KCNIP1: variants seen among roughly 807,000 people sequenced by gnomAD.
KCNIP1 encodes A-type potassium channel modulatory protein KCNIP1.
In KCNIP1, 18 loss-of-function variants were observed where a neutral mutation model predicts 33.0. The observed-to-expected ratio is 0.55, with a 90% CI of 0.38 to 0.81. The LOEUF is 0.81. KCNIP1 is among the 30% of genes least tolerant of loss of function. The pLI is 0.00. For missense variants in KCNIP1, 238 were observed against 271.6 expected, an observed-to-expected ratio of 0.88 and a Z score of 0.87; for synonymous variants, 93 against 98.3, an observed-to-expected ratio of 0.95 and a Z score of 0.32.
chr5:170,625,125 GC>G (rs1759771663), intron 1 of KCNIP1, among the ~76,000 whole-genome samples: 1 of 152,038 alleles, frequency 6.6e-6, no homozygotes, highest in Non-Finnish European at 1.5e-5. Context: ...CCCAGCAGCA[GC>G]CCTCTGGGTA....
intron 1 of KCNIP1, among the ~76,000 whole-genome samples, chr5:170,435,507 T>C (rs1014531373): frequency 6.6e-6 from 1 of 152,170 alleles, no homozygotes; most frequent in African/African-American, 2.4e-5. Flanking sequence ...GGATGGTTTT[T>C]GGGGCTTTTT....
intron 1 of KCNIP1, among the ~76,000 whole-genome samples, chr5:170,715,148 T>C: frequency 6.6e-6 from 1 of 152,208 alleles, no homozygotes; most frequent in Non-Finnish European, 1.5e-5. Flanking sequence ...ATACTTACCA[T>C]TGTGTTACAA....
chr5:170,364,297 G>GC (rs1763596652), intron 1 of KCNIP1, among the ~76,000 whole-genome samples: 1 of 152,100 alleles, frequency 6.6e-6, no homozygotes, highest in Admixed American at 6.6e-5. Context: ...GCCATACCTG[G>GC]CCCTCACTTA....
At chr5:170,702,706 C>T (rs1763137818) in intron 1 of KCNIP1, among the ~76,000 whole-genome samples, 1 of 152,154 alleles carries the variant, frequency 6.6e-6, no homozygotes, top group Non-Finnish European at 1.5e-5. Flanking sequence ...GGTTCCAAAG[C>T]ATCTGCCCAT....
At chr5:170,405,142 T>C (rs888587249) in intron 1 of KCNIP1, among the ~76,000 whole-genome samples, 6 of 152,134 alleles carry the variant, frequency 3.9e-5, no homozygotes, top group African/African-American at 1.4e-4. Flanking sequence ...ATATGCCAAA[T>C]TGCCCTGCAA....
chr5:170,662,654 A>G (rs1458438603), intron 1 of KCNIP1, among the ~76,000 whole-genome samples: 1 of 152,194 alleles, frequency 6.6e-6, no homozygotes, highest in Non-Finnish European at 1.5e-5. Context: ...CTCAAAGCCT[A>G]CTTAAGAGCT....
intron 1 of KCNIP1, among the ~76,000 whole-genome samples, chr5:170,393,869 CCT>C (rs902774297): frequency 3.8e-4 from 58 of 152,240 alleles, no homozygotes; most frequent in African/African-American, 1.3e-3. Flanking sequence ...CCTTGAAAAT[CCT>C]CTTTGAGACA....
intron 1 of KCNIP1, among the ~76,000 whole-genome samples, chr5:170,546,566 C>T (rs1479190174): frequency 6.6e-6 from 1 of 152,216 alleles, no homozygotes; most frequent in Non-Finnish European, 1.5e-5. Flanking sequence ...CCAGAATCAG[C>T]AGTTGCCCAC....
At chr5:170,474,937 C>T (rs2113146861) in intron 1 of KCNIP1, among the ~76,000 whole-genome samples, 1 of 152,348 alleles carries the variant, frequency 6.6e-6, no homozygotes. Context: ...GTCAGGGTAG[C>T]CAGCTTTTAT....
chr5:170,731,696 AAAAAAAAAAAAAGAAAAAAG>A (rs1764206235), intron 5 of KCNIP1, among the ~76,000 whole-genome samples: 1 of 114,094 alleles, frequency 8.8e-6, no homozygotes, highest in Non-Finnish European at 2.1e-5. Context: ...CCTGTCTCAA[AAAAAAAAAAAAAGAAAAAAG>A]AAAAAAAGAA....
At chr5:170,397,405 C>T (rs1270321486) in intron 1 of KCNIP1, among the ~76,000 whole-genome samples, 1 of 152,140 alleles carries the variant, frequency 6.6e-6, no homozygotes, top group East Asian at 1.9e-4. Flanking sequence ...GAGGGGCTTA[C>T]ATAGATATCA....
At chr5:170,681,877 C>A (rs1429010492) in intron 1 of KCNIP1, among the ~76,000 whole-genome samples, 1 of 152,182 alleles carries the variant, frequency 6.6e-6, no homozygotes, top group South Asian at 2.1e-4. Flanking sequence ...CCAAATAGAA[C>A]ACAGTTTGTC....
chr5:170,609,833 G>A (rs1423588691), intron 1 of KCNIP1, among the ~76,000 whole-genome samples: 1 of 152,106 alleles, frequency 6.6e-6, no homozygotes, highest in Non-Finnish European at 1.5e-5. Context: ...CTCCAGCCTG[G>A]ATGACAGAAC....
At chr5:170,589,001 T>TC (rs1330311798) in intron 1 of KCNIP1, among the ~76,000 whole-genome samples, 7 of 147,950 alleles carry the variant, frequency 4.7e-5, no homozygotes, top group Non-Finnish European at 1.0e-4. Context: ...TACTTCTTTT[T>TC]TTTTTTTTTT....
intron 1 of KCNIP1, among the ~76,000 whole-genome samples, chr5:170,706,684 A>G (rs1332989084): frequency 6.6e-6 from 1 of 152,170 alleles, no homozygotes; most frequent in Non-Finnish European, 1.5e-5. Context: ...ACTTGAGATA[A>G]TACTATTCTT....
At chr5:170,376,910 A>G (rs1270967853) in intron 1 of KCNIP1, 1 of 152,224 alleles carries the variant, frequency 6.6e-6, no homozygotes, top group Non-Finnish European at 1.5e-5. Context: ...ACAAACAAAA[A>G]AAACTATAGT....
chr5:170,600,215 C>T (rs1195941959), intron 1 of KCNIP1, among the ~76,000 whole-genome samples: 2 of 151,230 alleles, frequency 1.3e-5, no homozygotes, highest in Admixed American at 1.3e-4. Flanking sequence ...TAATCCCGTA[C>T]TTAAGTCGAC....
intron 1 of KCNIP1, among the ~76,000 whole-genome samples, chr5:170,392,355 T>A (rs1427946914): frequency 6.6e-6 from 1 of 152,188 alleles, no homozygotes; most frequent in Non-Finnish European, 1.5e-5. Context: ...AAAACTAATG[T>A]TTCATGCCCC....
At position 170,622,515 on chromosome 5, in the gene KCNIP1, G is replaced by A. The variant is rs554282381; in HGVS notation, c.62-96243G>A. 9.2e-5 allele frequency among the ~76,000 whole-genome samples: 14 copies of A among 151,866 alleles called. No homozygotes were observed. In the South Asian group the frequency reaches 1.3e-3, roughly 14 times the overall value. On this transcript the variant is annotated intron_variant, in intron 1 of 7. Transcript: ENST00000328939. ...TGAGCACCCATAATCCCAGCTACTC[G>A]GGAGGCTGAGGCAAGAGAATTGCTT...
Sources: allele counts gnomAD v4.1 joint callset (sites outside exome capture counted in the v4.1 genomes callset), GRCh38; gene constraint gnomAD v4.1.1; transcripts MANE v1.5; gene names NCBI Gene and HGNC (gene_info 2026-07-23, HGNC 2026-07-21).